Variants in CCDC6 observed in about 807,000 individuals in gnomAD.
The protein encoded by CCDC6 is coiled-coil domain-containing protein 6.
CCDC6 carries 20 observed loss-of-function variants against 56.6 expected under a neutral mutation model. The observed-to-expected ratio is 0.35, with a 90% CI of 0.25 to 0.51. The LOEUF (loss-of-function observed/expected upper bound fraction) is 0.51. CCDC6 is among the 20% of genes least tolerant of loss of function. The pLI is 0.95. For missense variants in CCDC6, 367 were observed against 601.1 expected (o/e 0.61, Z 4.07); for synonymous variants, 241 against 234.4 (o/e 1.03, Z -0.26).
intron 3 of CCDC6, among the ~76,000 whole-genome samples, chr10:59,831,161 T>C (rs576155385): frequency 1.2e-4 from 19 of 152,334 alleles, no homozygotes; most frequent in African/African-American, 3.8e-4. Context: ...GCACGGGGCA[T>C]GGTGTCTGGT....
At chr10:59,872,780 G>T (rs1664259) in intron 1 of CCDC6, among the ~76,000 whole-genome samples, 73,683 of 119,178 alleles carry the variant, frequency 0.62, 21,610 homozygotes, top group East Asian at 0.81. Flanking sequence ...CTTTCCAGAT[G>T]GGGGGGTGGG....
In CCDC6 at chr10:59,869,951, AGGCT is replaced by A. The variant is rs1189607878; in HGVS notation, c.304-17253_304-17250del. 2.6e-5 allele frequency among the ~76,000 whole-genome samples: 4 copies of A among 152,174 alleles called. No homozygotes were observed. In the East Asian group the frequency reaches 7.7e-4, roughly 29 times the overall value. On this transcript the variant is annotated intron_variant, in intron 1 of 8. Transcript: ENST00000263102. Reference sequence around the variant, plus strand: ...CTAGCTAGATTCTCTGCCCCATAGCAGGCTGGCTACCTGTCATCTCAGATCCCCC... The same window carrying A: ...CTAGCTAGATTCTCTGCCCCATAGCAGGCTACCTGTCATCTCAGATCCCCC...
chr10:59,882,073 G>A (rs866695085), intron 1 of CCDC6, among the ~76,000 whole-genome samples: 1 of 73,978 alleles, frequency 1.4e-5, no homozygotes, highest in African/African-American at 4.3e-5. Flanking sequence ...GGAAAGCCGC[G>A]GGGAGAAGGA....
At chr10:59,871,542 G>C (rs541473373) in intron 1 of CCDC6, among the ~76,000 whole-genome samples, 36 of 150,840 alleles carry the variant, frequency 2.4e-4, no homozygotes, top group Admixed American at 4.0e-4. Context: ...AACTGGGTCA[G>C]CTCTGAGGGA....
intron 1 of CCDC6, among the ~76,000 whole-genome samples, chr10:59,894,625 T>C (rs2071448849): frequency 6.6e-6 from 1 of 150,578 alleles, no homozygotes; most frequent in South Asian, 2.1e-4. Flanking sequence ...TATTTTTAAG[T>C]AGAGATTGTA....
Position 59,814,705 on chromosome 10 carries a change from T to A in CCDC6, c.633A>T (p.Glu211Asp). The A allele has an allele frequency of 6.2e-7, 1 of 1,613,670 alleles. No homozygotes were observed. The highest frequency in any genetic ancestry group is 8.5e-7 in the Non-Finnish European group (1 of 1,179,612). ...DLENTLEQEQ[E>D]ALVNRLWKRM... The stretch of plus-strand genomic sequence containing the variant: ...TTTTCCAGAGGCGATTAACTAGTGC[T>A]TCTTGTTCTTGTTCCAATGTATTTT... Residue 211 changes from glutamate (E) to aspartate (D), a missense_variant, in exon 4 of 9, where the codon GAA (glutamate) becomes GAT (aspartate). Physicochemically the swap from Glu to Asp is conservative, Grantham distance 45. Coordinates refer to ENST00000263102, the MANE Select transcript of CCDC6 (RefSeq NM_005436.5).
chr10:59,819,055 A>G (rs1228336894), intron 3 of CCDC6, among the ~76,000 whole-genome samples: 1 of 152,142 alleles, frequency 6.6e-6, no homozygotes, highest in East Asian at 1.9e-4. Flanking sequence ...TCTTTAATAT[A>G]TGCATAACTC....
intron 1 of CCDC6, among the ~76,000 whole-genome samples, chr10:59,854,785 A>T (rs891965107): frequency 2.6e-5 from 4 of 152,194 alleles, no homozygotes; most frequent in Non-Finnish European, 4.4e-5. Flanking sequence ...ACACATACAT[A>T]TCTAAGCCTG....
At chr10:59,901,596 A>G (rs2071504248) in intron 1 of CCDC6, among the ~76,000 whole-genome samples, 1 of 152,244 alleles carries the variant, frequency 6.6e-6, no homozygotes, top group Admixed American at 6.5e-5. Flanking sequence ...TTACAGTCAG[A>G]GAGACACTTA....
chr10:59,808,330 T>C (rs1473431918), intron 5 of CCDC6, among the ~76,000 whole-genome samples: 1 of 152,148 alleles, frequency 6.6e-6, no homozygotes, highest in Admixed American at 6.5e-5. Flanking sequence ...CTCTTGTCCT[T>C]CCAAGGTTAT....
chr10:59,857,260 T>C (rs1463508227), intron 1 of CCDC6, among the ~76,000 whole-genome samples: 1 of 152,196 alleles, frequency 6.6e-6, no homozygotes, highest in East Asian at 1.9e-4. Context: ...TATTTTATCC[T>C]GAGTCACCAC....
At chr10:59,797,435 G>A (rs2070530391) in intron 7 of CCDC6, among the ~76,000 whole-genome samples, 1 of 151,544 alleles carries the variant, frequency 6.6e-6, no homozygotes, top group African/African-American at 2.4e-5. Flanking sequence ...ATTCAGGAAA[G>A]CAAAAGACAT....
At chr10:59,899,426 A>C (rs2132687751) in intron 1 of CCDC6, among the ~76,000 whole-genome samples, 1 of 152,358 alleles carries the variant, frequency 6.6e-6, no homozygotes, top group Non-Finnish European at 1.5e-5. Context: ...GTGTAAACAC[A>C]ATTATTTCGG....
intron 1 of CCDC6, among the ~76,000 whole-genome samples, chr10:59,886,912 T>C (rs79722421): frequency 0.017 from 2,549 of 152,220 alleles, 30 homozygotes; most frequent in Middle Eastern, 0.044. Flanking sequence ...TTGAGAGAAA[T>C]GCAAAGACTG....
intron 1 of CCDC6, among the ~76,000 whole-genome samples, chr10:59,860,566 G>A (rs1264332774): frequency 3.3e-5 from 5 of 152,088 alleles, no homozygotes; most frequent in South Asian, 2.1e-4. Context: ...CAAGAACACC[G>A]AGGAAAGTGG....
chr10:59,803,146 AT>A (rs2070591350), intron 7 of CCDC6, among the ~76,000 whole-genome samples: 1 of 152,200 alleles, frequency 6.6e-6, no homozygotes, highest in Non-Finnish European at 1.5e-5. Context: ...GTTGGGGAAC[AT>A]CTTTTTGGCA....
chr10:59,794,587 A>G lies in CCDC6; in HGVS notation c.1116T>C (p.Tyr372=). 1 of 1,613,882 alleles carries G rather than the reference A, an allele frequency of 6.2e-7. No homozygotes were observed. The highest frequency in any genetic ancestry group is 8.5e-7 in the Non-Finnish European group (1 of 1,179,762). The change falls in exon 8 of 9, where the codon TAT becomes TAC. Residue 372 remains tyrosine (Y), a synonymous_variant. Coordinates refer to ENST00000263102, the MANE Select transcript of CCDC6 (RefSeq NM_005436.5). ...GCGTGAAACCAACCGTGTGACTTGC[A>G]TATGATAGACCTAAAATATAACAAC... ...SSRPISPGLS[Y]ASHTVGFTPP...
intron 6 of CCDC6, chr10:59,806,696 C>A (rs2070626688): frequency 6.5e-6 from 3 of 459,680 alleles, no homozygotes; most frequent in Non-Finnish European, 1.2e-5. Context: ...CTCTCCCCAC[C>A]AAATGATTTT....
At chr10:59,823,213 T>C (rs1433679789) in intron 3 of CCDC6, among the ~76,000 whole-genome samples, 4 of 152,196 alleles carry the variant, frequency 2.6e-5, no homozygotes, top group Non-Finnish European at 2.9e-5. Context: ...CACTGGCCCT[T>C]TGCCCTTGCT....
Sources: gnomAD v4.1 joint callset for allele counts (sites outside exome capture counted in the v4.1 genomes callset) on GRCh38, gnomAD v4.1.1 for gene constraint, MANE v1.5 for transcripts, NCBI Gene and HGNC (gene_info 2026-07-23, HGNC 2026-07-21) for gene names.